Variants in PKD1L3 observed in about 807,000 individuals in gnomAD.
PKD1L3 encodes the protein polycystin 1 like 3, transient receptor potential channel interacting.
Under a neutral mutation model 184.1 loss-of-function variants are expected in PKD1L3, and 239 were observed. The ratio of observed to expected loss-of-function variants is 1.30; its 90% CI spans 1.17 to 1.45. The LOEUF is 1.45. Ranked by LOEUF, PKD1L3 falls within the 40% of genes most tolerant of loss-of-function variation. The probability of loss-of-function intolerance (pLI) is 0.00; values close to 1 mark genes in which losing one functional copy is unlikely to be tolerated. For missense variants in PKD1L3, 2,660 were observed against 2,067.2 expected, an observed-to-expected ratio of 1.29 and a Z score of -5.56; for synonymous variants, 996 against 778.8, an observed-to-expected ratio of 1.28 and a Z score of -4.64.
At chr16:71,951,477 C>T (rs959668735) in intron 19 of PKD1L3, 87 bp downstream of exon 19, 8 of 1,329,740 alleles carry the variant, frequency 6.0e-6, no homozygotes, top group Middle Eastern at 2.7e-4. Context: ...TCAGGCCTGT[C>T]GGTTATGAAT....
intron 7 of PKD1L3, among the ~76,000 whole-genome samples, chr16:71,981,678 TTA>T (rs2040164397): frequency 1.3e-5 from 2 of 151,614 alleles, no homozygotes; most frequent in African/African-American, 4.9e-5. Context: ...GTAGCTGGGA[TTA>T]CAGGCATGTA....
rs959125349 is a variant in PKD1L3, at chr16:71,949,850, G to A, written c.3551C>T (p.Ala1184Val). The A allele has an allele frequency of 6.4e-7, 1 of 1,551,454 alleles. No homozygotes were observed. Among genetic ancestry groups the A allele is most frequent in the Non-Finnish European group, 8.7e-7 (1 of 1,146,984 alleles). The change falls in exon 21 of 30, where the codon GCC becomes GTC. Residue 1184 changes from alanine (A) to valine (V), a missense_variant. Transcript: ENST00000620267. ...AATAATTGAAATCATCCAGCTGGTG[G>A]CTTGGTCTTTGCTCAATTCCAAGCT... ...LYSLELSKDQATSWMISIILS... is the reference protein window; with the variant it reads ...LYSLELSKDQVTSWMISIILS...
intron 4 of PKD1L3, among the ~76,000 whole-genome samples, chr16:71,987,830 C>T (rs2040432559): frequency 6.6e-6 from 1 of 151,984 alleles, no homozygotes. Context: ...GAGTTGAATA[C>T]AGGGAGAGAG....
intron 2 of PKD1L3, among the ~76,000 whole-genome samples, chr16:71,994,128 A>C (rs1292694324): frequency 6.6e-6 from 1 of 152,154 alleles, no homozygotes; most frequent in Admixed American, 6.5e-5. Flanking sequence ...TCTCACACAC[A>C]CAATTGGACA....
intron 19 of PKD1L3, 147 bp from the exon 20 acceptor site, chr16:71,950,457 C>T (rs1311356924): frequency 9.1e-6 from 6 of 662,524 alleles, no homozygotes; most frequent in Non-Finnish European, 1.5e-5. Flanking sequence ...ATTTGCAGTA[C>T]TACCATCTTC....
chr16:71,982,361 C>T, intron 6 of PKD1L3, 126 bp from the exon 7 acceptor site: 1 of 747,512 alleles, frequency 1.3e-6, no homozygotes, highest in Non-Finnish European at 1.9e-6. Context: ...TATCGACTCA[C>T]TGCAACCTCT....
Position 71,990,346 on chromosome 16 carries a change from G to C in PKD1L3, c.536-17C>G, listed in dbSNP as rs368934632. 2.6e-6 allele frequency: 4 copies of C among 1,537,710 alleles called. No homozygotes were observed. The highest frequency in any genetic ancestry group is 2.6e-6 in the Non-Finnish European group (3 of 1,135,948). Reference sequence around the variant, plus strand: ...GACCAGGTCCTATAGAAAAAAGAAAGCAGACTAAGTTCAAGTAAAAGCCTA... The same window carrying C: ...GACCAGGTCCTATAGAAAAAAGAAACCAGACTAAGTTCAAGTAAAAGCCTA... On this transcript the variant is annotated splice_polypyrimidine_tract_variant and intron_variant, in intron 3 of 29. Coordinates refer to ENST00000620267, the MANE Select transcript of PKD1L3 (RefSeq NM_181536.2).
chr16:71,969,882 A>G lies in PKD1L3; in HGVS notation c.2177T>C (p.Met726Thr), dbSNP rs771416662. The G allele has an allele frequency of 5.8e-6, 9 of 1,547,678 alleles. No homozygotes were observed. The highest frequency in any genetic ancestry group is 2.4e-5 in the South Asian group (2 of 83,966). Reference sequence around the variant, plus strand: ...AAATCAAAGTCTCATTACCTTCTGCATATCTGCTTGATCCTTTTTCCGAGC... The same window carrying G: ...AAATCAAAGTCTCATTACCTTCTGCGTATCTGCTTGATCCTTTTTCCGAGC... ...VWARKKDQAD[M>T]QKVKVTVLAD... is the part of the protein sequence containing the mutation. The change falls in exon 13 of 30, where the codon ATG (methionine) becomes ACG (threonine). Residue 726 changes from methionine (M) to threonine (T), a missense_variant. Met to Thr is a moderately conservative substitution (Grantham distance 81). Coordinates refer to ENST00000620267, the MANE Select transcript of PKD1L3 (RefSeq NM_181536.2).
At chr16:71,962,778 C>T (rs1402093141) in intron 16 of PKD1L3, among the ~76,000 whole-genome samples, 1 of 152,198 alleles carries the variant, frequency 6.6e-6, no homozygotes, top group African/African-American at 2.4e-5. Context: ...CGGTGCCTGG[C>T]CAGTTTACTA....
chr16:71,995,115 G>C (rs553948311), intron 2 of PKD1L3, among the ~76,000 whole-genome samples: 1 of 152,172 alleles, frequency 6.6e-6, no homozygotes, highest in Admixed American at 6.5e-5. Context: ...CAGTTCTGGA[G>C]GCTGGACGTC....
chr16:71,952,786 C>T (rs1277795514), intron 18 of PKD1L3, 108 bp downstream of exon 18: 6 of 1,197,764 alleles, frequency 5.0e-6, no homozygotes, highest in South Asian at 1.7e-5. Flanking sequence ...CACAGTGAGC[C>T]GAGGTTGCAC....
At chr16:71,985,909 G>C (rs372957140) in intron 5 of PKD1L3, among the ~76,000 whole-genome samples, 19 of 152,312 alleles carry the variant, frequency 1.2e-4, no homozygotes, top group Admixed American at 9.8e-4. Context: ...GGCGGAGAGA[G>C]GGGACAGTGA....
Position 71,963,330 on chromosome 16 carries a change from G to T in PKD1L3, c.2487C>A (p.Val829=), listed in dbSNP as rs1239543058. 6.4e-7 allele frequency: 1 copy of T among 1,550,420 alleles called. No individual in the cohort carries two copies. The highest frequency in any genetic ancestry group is 1.2e-5 in the South Asian group (1 of 83,720). Residue 829 remains valine, a synonymous_variant, in exon 16 of 30, where the codon GTC becomes GTA. Transcript: ENST00000620267. ...SPSWYVSQVI[V]CDMAVKRKWH... ...ACTTCCTCTTAACTGCCATGTCACA[G>T]ACAATTACCTGGCTGACATACCTAT...
chr16:71,983,980 GT>G, intron 6 of PKD1L3, 55 bp downstream of exon 6: 1 of 1,538,582 alleles, frequency 6.5e-7, no homozygotes, highest in Non-Finnish European at 8.8e-7. Context: ...CTCTTTTTCT[GT>G]TTTCCGCTTT....
intron 16 of PKD1L3, among the ~76,000 whole-genome samples, chr16:71,959,363 T>C (rs1597322544): frequency 2.0e-5 from 3 of 152,096 alleles, no homozygotes; most frequent in Admixed American, 2.0e-4. Flanking sequence ...TGAGCTGAGA[T>C]CGTGCCATTG....
chr16:71,979,680 ATCTGG>A, intron 9 of PKD1L3, 101 bp downstream of exon 9: 1 of 1,321,178 alleles, frequency 7.6e-7, no homozygotes, highest in Non-Finnish European at 1.0e-6. Flanking sequence ...CTCTCATCTG[ATCTGG>A]TCTGTTCAGT....
chr16:71,952,136 G>A (rs1008100642), intron 18 of PKD1L3, among the ~76,000 whole-genome samples: 34 of 149,372 alleles, frequency 2.3e-4, no homozygotes, highest in African/African-American at 8.1e-4. Context: ...GACCCTGACA[G>A]CCTCCCATGA....
At chr16:71,965,938 A>G (rs1197094609) in intron 15 of PKD1L3, among the ~76,000 whole-genome samples, 1 of 152,192 alleles carries the variant, frequency 6.6e-6, no homozygotes, top group East Asian at 1.9e-4. Context: ...CAGGTTGAAC[A>G]TCTTTTCAAG....
chr16:71,953,322 A>G (rs1019005460), intron 17 of PKD1L3, among the ~76,000 whole-genome samples: 1 of 152,202 alleles, frequency 6.6e-6, no homozygotes, highest in Admixed American at 6.5e-5. Flanking sequence ...GCAGTGGAAG[A>G]AAAATGAAGG....
Sources: gnomAD v4.1 joint callset for allele counts (sites outside exome capture counted in the v4.1 genomes callset) on GRCh38, gnomAD v4.1.1 for gene constraint, MANE v1.5 for transcripts, NCBI Gene and HGNC (gene_info 2026-07-23, HGNC 2026-07-21) for gene names.